FSTL4: variants seen among roughly 807,000 people sequenced by gnomAD.
FSTL4 encodes the protein follistatin-related protein 4.
Under a neutral mutation model 78.2 loss-of-function variants are expected in FSTL4, and 28 were observed. The ratio of observed to expected loss-of-function variants is 0.36; its 90% CI spans 0.27 to 0.49. The LOEUF (loss-of-function observed/expected upper bound fraction) is 0.49, where lower values mean the gene tolerates loss of function less well. FSTL4 is among the 20% of genes least tolerant of loss of function. The pLI, the probability that FSTL4 is intolerant of heterozygous loss-of-function variation, is 0.98. For missense variants in FSTL4, 922 were observed against 1,084.9 expected, an observed-to-expected ratio of 0.85 and a Z score of 2.11; for synonymous variants, 422 against 440.5, an observed-to-expected ratio of 0.96 and a Z score of 0.53.
chr5:133,356,787 G>C (rs1275135785), intron 4 of FSTL4, among the ~76,000 whole-genome samples: 2 of 152,244 alleles, frequency 1.3e-5, no homozygotes, highest in African/African-American at 4.8e-5. Flanking sequence ...GGCCCACGCA[G>C]TCTTTTTGGC....
the FSTL4 span, among the ~76,000 whole-genome samples, chr5:133,802,813 A>G: frequency 5.3e-5 from 8 of 152,250 alleles, no homozygotes; most frequent in African/African-American, 1.9e-4. Context: ...CTCACCACAG[A>G]GGTGGGCAGC....
At chr5:133,461,813 A>G (rs1428327542) in intron 3 of FSTL4, among the ~76,000 whole-genome samples, 4 of 152,180 alleles carry the variant, frequency 2.6e-5, no homozygotes, top group Admixed American at 2.0e-4. Context: ...TTCATTTGAG[A>G]ACTTTACTCC....
chr5:133,482,756 G>A (rs1758054866), intron 3 of FSTL4, among the ~76,000 whole-genome samples: 1 of 152,170 alleles, frequency 6.6e-6, no homozygotes. Context: ...TCCCAGGGAG[G>A]GCAGGGGCTC....
chr5:133,322,673 A>C (rs571547222), intron 4 of FSTL4, among the ~76,000 whole-genome samples: 1 of 152,190 alleles, frequency 6.6e-6, no homozygotes, highest in South Asian at 2.1e-4. Context: ...ACTGACTTCC[A>C]TCCCTATTAG....
intron 3 of FSTL4, among the ~76,000 whole-genome samples, chr5:133,408,838 G>GAGAGCT (rs1756424457): frequency 6.6e-6 from 1 of 152,154 alleles, no homozygotes; most frequent in Non-Finnish European, 1.5e-5. Flanking sequence ...AATTCATGTA[G>GAGAGCT]AGAGCTAGGC....
chr5:133,298,393 G>C (rs151013019), intron 6 of FSTL4, among the ~76,000 whole-genome samples: 1 of 152,192 alleles, frequency 6.6e-6, no homozygotes. Flanking sequence ...ATCGTGGGTG[G>C]GCTTCCCCAC....
chr5:133,694,762 G>A, the FSTL4 span, among the ~76,000 whole-genome samples: 1 of 152,220 alleles, frequency 6.6e-6, no homozygotes, highest in African/African-American at 2.4e-5. Flanking sequence ...AAAGACCTAG[G>A]TGTCAGTAAA....
chr5:133,825,236 C>T, the FSTL4 span, among the ~76,000 whole-genome samples: 1 of 152,198 alleles, frequency 6.6e-6, no homozygotes, highest in Non-Finnish European at 1.5e-5. Flanking sequence ...CAGCTCACTC[C>T]TTTTTCAGGA....
At chr5:133,349,716 A>T (rs1460304674) in intron 4 of FSTL4, among the ~76,000 whole-genome samples, 1 of 102,136 alleles carries the variant, frequency 9.8e-6, no homozygotes, top group Non-Finnish European at 1.9e-5. Flanking sequence ...GATGGACTTT[A>T]TGTTTGTCAT....
chr5:133,473,722 G>T (rs1757872074), intron 3 of FSTL4, among the ~76,000 whole-genome samples: 1 of 152,168 alleles, frequency 6.6e-6, no homozygotes, highest in Non-Finnish European at 1.5e-5. Flanking sequence ...ATTTACAGAG[G>T]AAAGAGGTTT....
chr5:133,406,989 T>C (rs1040753108), intron 3 of FSTL4, among the ~76,000 whole-genome samples: 3 of 152,178 alleles, frequency 2.0e-5, no homozygotes, highest in African/African-American at 7.2e-5. Context: ...GGTGATATGG[T>C]CTCTGCTTCA....
intron 3 of FSTL4, among the ~76,000 whole-genome samples, chr5:133,489,752 T>C (rs1053487615): frequency 6.6e-6 from 1 of 152,150 alleles, no homozygotes; most frequent in Non-Finnish European, 1.5e-5. Context: ...GCTCCTTGGC[T>C]CTACCTGTAG....
the FSTL4 span, among the ~76,000 whole-genome samples, chr5:133,654,170 C>G: frequency 6.6e-6 from 1 of 152,198 alleles, no homozygotes; most frequent in Non-Finnish European, 1.5e-5. Context: ...GCTCCCTTTC[C>G]CCAGTCATTC....
chr5:133,441,171 G>A (rs1388520333), intron 3 of FSTL4, among the ~76,000 whole-genome samples: 2 of 152,154 alleles, frequency 1.3e-5, no homozygotes, highest in Non-Finnish European at 2.9e-5. Flanking sequence ...ATCACTGTGG[G>A]CAGCTGGGAT....
chr5:133,263,266 G>A (rs2126837685), intron 6 of FSTL4, among the ~76,000 whole-genome samples: 1 of 152,328 alleles, frequency 6.6e-6, no homozygotes, highest in East Asian at 1.9e-4. Flanking sequence ...GGGCTCAGGA[G>A]AGTGGCCTAG....
At chr5:133,224,362 C>A in intron 10 of FSTL4, 146 bp from the exon 11 acceptor site, 2 of 596,758 alleles carry the variant, frequency 3.4e-6, no homozygotes, top group South Asian at 2.3e-5. Flanking sequence ...CCACTCATTG[C>A]CCTAGGAACA....
At chr5:133,495,016 C>T (rs986816309) in intron 3 of FSTL4, among the ~76,000 whole-genome samples, 2 of 152,200 alleles carry the variant, frequency 1.3e-5, no homozygotes, top group Non-Finnish European at 2.9e-5. Context: ...GCAAACATAT[C>T]CATGTTGAAT....
the FSTL4 span, among the ~76,000 whole-genome samples, chr5:133,680,425 C>T: frequency 6.6e-6 from 1 of 152,110 alleles, no homozygotes; most frequent in Non-Finnish European, 1.5e-5. Flanking sequence ...CCCTGCCCTT[C>T]CAGCCCACTC....
chr5:133,306,210 G>A (rs954688958), intron 6 of FSTL4, among the ~76,000 whole-genome samples: 39 of 152,188 alleles, frequency 2.6e-4, no homozygotes, highest in African/African-American at 9.2e-4. Context: ...GGGCCGGGTG[G>A]GGCTGCTGGT....
Sources: allele counts gnomAD v4.1 joint callset (sites outside exome capture counted in the v4.1 genomes callset), GRCh38; gene constraint gnomAD v4.1.1; transcripts MANE v1.5; gene names NCBI Gene and HGNC (gene_info 2026-07-23, HGNC 2026-07-21).